RGS7: variants seen among roughly 807,000 people sequenced by gnomAD.
The protein encoded by RGS7 is regulator of G-protein signaling 7.
In RGS7, 27 loss-of-function variants were observed where a neutral mutation model predicts 81.1. The ratio of observed to expected loss-of-function variants is 0.33; its 90% confidence interval spans 0.25 to 0.46. RGS7 has a LOEUF of 0.46. Ranked by LOEUF, RGS7 falls within the 20% of genes least tolerant of loss-of-function variation. The pLI is 1.00. For synonymous variants in RGS7, 208 were observed against 207.7 expected (o/e 1.00, Z -0.01); for missense variants, 396 against 607.4 (o/e 0.65, Z 3.66).
At chr1:241,244,033 T>C (rs1558230152) in intron 2 of RGS7, among the ~76,000 whole-genome samples, 1 of 152,158 alleles carries the variant, frequency 6.6e-6, no homozygotes, top group South Asian at 2.1e-4. Context: ...AATGCCTATA[T>C]ATTATTTTCT....
At chr1:240,932,422 T>A (rs1370655575) in intron 5 of RGS7, among the ~76,000 whole-genome samples, 1 of 152,098 alleles carries the variant, frequency 6.6e-6, no homozygotes, top group Admixed American at 6.6e-5. Flanking sequence ...GCTTTGAGAA[T>A]TCGATTTCTT....
chr1:240,928,858 G>A (rs1401932261), intron 6 of RGS7, among the ~76,000 whole-genome samples: 6 of 152,078 alleles, frequency 3.9e-5, no homozygotes, highest in African/African-American at 9.7e-5. Flanking sequence ...TGATCTGCCC[G>A]CCTCAGCCTC....
At chr1:240,997,582 TG>T (rs1558574621) in intron 3 of RGS7, among the ~76,000 whole-genome samples, 2 of 152,198 alleles carry the variant, frequency 1.3e-5, no homozygotes, top group South Asian at 4.1e-4. Context: ...CTCAGCACTT[TG>T]GGGGACCGAG....
At chr1:240,828,679 C>T (rs1408148362) in intron 9 of RGS7, among the ~76,000 whole-genome samples, 1 of 152,160 alleles carries the variant, frequency 6.6e-6, no homozygotes, top group African/African-American at 2.4e-5. Flanking sequence ...CCCAGCTTCT[C>T]TGGAGGCTGA....
At chr1:241,226,712 C>A (rs1199130428) in intron 2 of RGS7, among the ~76,000 whole-genome samples, 2 of 152,152 alleles carry the variant, frequency 1.3e-5, no homozygotes, top group African/African-American at 4.8e-5. Flanking sequence ...GCAGGTGACA[C>A]CGAGCTGAAC....
intron 2 of RGS7, among the ~76,000 whole-genome samples, chr1:241,204,434 T>C (rs1250446230): frequency 6.6e-6 from 1 of 152,148 alleles, no homozygotes; most frequent in Non-Finnish European, 1.5e-5. Flanking sequence ...ATATCATACA[T>C]TTTAGGTGGG....
intron 6 of RGS7, among the ~76,000 whole-genome samples, chr1:240,872,045 T>G (rs174433): frequency 0.4 from 60,672 of 151,990 alleles, 14,098 homozygotes; most frequent in African/African-American, 0.64. Flanking sequence ...ATTTTTTACA[T>G]GACTGCTCAC....
chr1:241,123,975 T>C (rs2066471294), intron 2 of RGS7, among the ~76,000 whole-genome samples: 1 of 152,062 alleles, frequency 6.6e-6, no homozygotes, highest in East Asian at 1.9e-4. Context: ...GGAAGAAAAA[T>C]GAACCAAACA....
intron 2 of RGS7, among the ~76,000 whole-genome samples, chr1:241,104,867 G>C (rs189428612): frequency 1.2e-3 from 179 of 152,206 alleles, no homozygotes; most frequent in African/African-American, 4.0e-3. Context: ...TAAAGTGTCT[G>C]GTCCATAATG....
intron 2 of RGS7, among the ~76,000 whole-genome samples, chr1:241,292,115 T>C (rs1029007081): frequency 5.9e-5 from 9 of 152,250 alleles, no homozygotes; most frequent in Admixed American, 2.6e-4. Context: ...GAGGCGGTAA[T>C]ATGCATGGAG....
chr1:240,837,957 A>G (rs1462813388), intron 9 of RGS7, among the ~76,000 whole-genome samples: 1 of 152,218 alleles, frequency 6.6e-6, no homozygotes, highest in African/African-American at 2.4e-5. Context: ...TTAACCTTGA[A>G]TTACAATAGC....
At chr1:241,276,992 C>T (rs886137081) in intron 2 of RGS7, among the ~76,000 whole-genome samples, 4 of 152,206 alleles carry the variant, frequency 2.6e-5, no homozygotes, top group South Asian at 2.1e-4. Flanking sequence ...CAATGTCCAT[C>T]GTCAGCTTTT....
At chr1:241,337,969 T>C (rs1308263870) in intron 2 of RGS7, among the ~76,000 whole-genome samples, 1 of 152,232 alleles carries the variant, frequency 6.6e-6, no homozygotes, top group Non-Finnish European at 1.5e-5. Flanking sequence ...TTTTGAGTGT[T>C]TAAAATGTTT....
chr1:240,826,853 C>A (rs141652826), intron 10 of RGS7, among the ~76,000 whole-genome samples: 6 of 151,280 alleles, frequency 4.0e-5, no homozygotes, highest in Non-Finnish European at 8.8e-5. Flanking sequence ...ATCAGGTTTT[C>A]TAAAGATGAT....
At chr1:240,901,526 C>A (rs1301960825) in intron 6 of RGS7, among the ~76,000 whole-genome samples, 1 of 152,214 alleles carries the variant, frequency 6.6e-6, no homozygotes, top group African/African-American at 2.4e-5. Context: ...AAAGCCTGAA[C>A]CCAGTTTTTA....
At chr1:241,327,341 A>G (rs950250936) in intron 2 of RGS7, among the ~76,000 whole-genome samples, 3 of 152,094 alleles carry the variant, frequency 2.0e-5, no homozygotes, top group African/African-American at 7.2e-5. Context: ...ACTTCATAAA[A>G]CTGTTTATTA....
intron 2 of RGS7, among the ~76,000 whole-genome samples, chr1:241,352,543 T>A (rs1431789921): frequency 6.6e-6 from 1 of 152,230 alleles, no homozygotes; most frequent in Non-Finnish European, 1.5e-5. Context: ...TGAACTCTAC[T>A]GAGATTCCCT....
At chr1:241,194,802 C>A (rs73130946) in intron 2 of RGS7, among the ~76,000 whole-genome samples, 4 of 152,132 alleles carry the variant, frequency 2.6e-5, no homozygotes, top group East Asian at 1.9e-4. Context: ...TGTTCACCCC[C>A]CAAAGCAGTT....
At chr1:241,082,450 C>T (rs1367257983) in intron 3 of RGS7, among the ~76,000 whole-genome samples, 4 of 152,164 alleles carry the variant, frequency 2.6e-5, no homozygotes, top group African/African-American at 4.8e-5. Flanking sequence ...ACTGTTCCTT[C>T]GAACATTCTG....
Sources: gnomAD v4.1 joint callset for allele counts (sites outside exome capture counted in the v4.1 genomes callset) on GRCh38, gnomAD v4.1.1 for gene constraint, MANE v1.5 for transcripts, NCBI Gene and HGNC (gene_info 2026-07-23, HGNC 2026-07-21) for gene names.